SUCLG2: variants seen among roughly 807,000 people sequenced by gnomAD.
SUCLG2 encodes succinate-CoA ligase GDP-forming subunit beta.
In SUCLG2, 42 loss-of-function variants were observed where a neutral mutation model predicts 47.9. The observed-to-expected ratio is 0.88, with a 90% CI of 0.69 to 1.14. The LOEUF (loss-of-function observed/expected upper bound fraction) is 1.14. Ranked by LOEUF, SUCLG2 falls within the 50% of genes most tolerant of loss-of-function variation. SUCLG2 has a pLI of 0.00. For synonymous variants in SUCLG2, 195 were observed against 197.3 expected, an observed-to-expected ratio of 0.99 and a Z score of 0.10; for missense variants, 571 against 525.9, an observed-to-expected ratio of 1.09 and a Z score of -0.84.
intron 9 of SUCLG2, among the ~76,000 whole-genome samples, chr3:67,447,202 T>C (rs543119304): frequency 4.3e-4 from 65 of 152,340 alleles, no homozygotes; most frequent in African/African-American, 1.5e-3. Context: ...CTAGGATTTC[T>C]ACCTCATTTC....
chr3:67,615,620 A>AC (rs1491461268), intron 1 of SUCLG2, among the ~76,000 whole-genome samples: 7,009 of 139,936 alleles, frequency 0.05, 228 homozygotes, highest in East Asian at 0.12. Context: ...ACACAAACAC[A>AC]AACACACACA....
At chr3:67,513,859 T>C (rs1174539700) in intron 6 of SUCLG2, 1 of 152,362 alleles carries the variant, frequency 6.6e-6, no homozygotes, top group Non-Finnish European at 1.5e-5. Flanking sequence ...TTTATAAAAA[T>C]CTTTAAAAAT....
chr3:67,458,356 C>A (rs1704239805), intron 9 of SUCLG2, among the ~76,000 whole-genome samples: 1 of 152,180 alleles, frequency 6.6e-6, no homozygotes, highest in Non-Finnish European at 1.5e-5. Flanking sequence ...ATAATATCAT[C>A]CTTCTACAGA....
intron 1 of SUCLG2, among the ~76,000 whole-genome samples, chr3:67,633,884 T>A (rs1700966374): frequency 6.6e-6 from 1 of 152,108 alleles, no homozygotes; most frequent in African/African-American, 2.4e-5. Context: ...TTTTAATATT[T>A]TTAAAATATT....
intron 10 of SUCLG2, among the ~76,000 whole-genome samples, chr3:67,363,704 A>T (rs1278109916): frequency 6.6e-6 from 1 of 152,114 alleles, no homozygotes; most frequent in Non-Finnish European, 1.5e-5. Context: ...AGAAAGCATG[A>T]CTGTGGTTTT....
At chr3:67,574,733 T>A (rs1707699274) in intron 2 of SUCLG2, among the ~76,000 whole-genome samples, 1 of 152,214 alleles carries the variant, frequency 6.6e-6, no homozygotes, top group Non-Finnish European at 1.5e-5. Flanking sequence ...AAATTCAACT[T>A]ATAGACTTCA....
chr3:67,652,303 C>T (rs1233838226), intron 1 of SUCLG2, among the ~76,000 whole-genome samples: 1 of 152,092 alleles, frequency 6.6e-6, no homozygotes, highest in East Asian at 1.9e-4. Context: ...TAAGCAGAAA[C>T]TGGGTCTTTT....
chr3:67,478,557 T>C (rs1704827128), intron 9 of SUCLG2, among the ~76,000 whole-genome samples: 1 of 152,254 alleles, frequency 6.6e-6, no homozygotes, highest in African/African-American at 2.4e-5. Flanking sequence ...AATTCCTTGA[T>C]CCCTGGTTGT....
chr3:67,654,511 C>T lies in SUCLG2; in HGVS notation c.76G>A (p.Gly26Arg). ...CCTGCCCCCACGCTCACCTGGGACC[C>T]GGCCGCCAGGAAGCGGGGCCGCAGC... ...LALRPRFLAA[G>R]SQAVQLTSRR... The change falls in exon 1 of 11, where the codon GGG becomes AGG. Residue 26 changes from glycine (G) to arginine (R), a missense_variant. Physicochemically the swap from Gly to Arg is moderately radical, Grantham distance 125. Transcript: ENST00000307227. 3.2e-6 allele frequency: 4 copies of T among 1,242,314 alleles called. No homozygotes were observed. Among genetic ancestry groups the T allele is most frequent in the East Asian group, 6.2e-5 (2 of 32,194 alleles). 77.0% of individuals were successfully genotyped at this position (1,242,314 alleles called of 1,614,324 possible).
At chr3:67,467,570 TAGGA>T (rs1704504898) in intron 9 of SUCLG2, among the ~76,000 whole-genome samples, 1 of 152,232 alleles carries the variant, frequency 6.6e-6, no homozygotes, top group African/African-American at 2.4e-5. Context: ...AAGTATAGGA[TAGGA>T]TATCCTTTAA....
chr3:67,636,527 T>G (rs903571344), intron 1 of SUCLG2, among the ~76,000 whole-genome samples: 5 of 152,028 alleles, frequency 3.3e-5, no homozygotes, highest in Admixed American at 2.6e-4. Flanking sequence ...TAATTTTTTG[T>G]GTTTTTAGTA....
chr3:67,452,529 A>T (rs1239245688), intron 9 of SUCLG2, among the ~76,000 whole-genome samples: 1 of 152,218 alleles, frequency 6.6e-6, no homozygotes, highest in Non-Finnish European at 1.5e-5. Flanking sequence ...TTCTTTATTA[A>T]ACCCTTTCTA....
chr3:67,517,117 T>C (rs1705965212), intron 6 of SUCLG2, among the ~76,000 whole-genome samples: 1 of 152,216 alleles, frequency 6.6e-6, no homozygotes, highest in South Asian at 2.1e-4. Flanking sequence ...TGAGGTTTAG[T>C]TCCAGATGAC....
intron 2 of SUCLG2, among the ~76,000 whole-genome samples, chr3:67,593,156 A>G (rs767679032): frequency 1.3e-5 from 2 of 152,222 alleles, no homozygotes; most frequent in African/African-American, 4.8e-5. Context: ...TTACATGTCT[A>G]TAATATATAA....
chr3:67,497,279 T>A (rs1705372226), intron 8 of SUCLG2, among the ~76,000 whole-genome samples: 1 of 152,190 alleles, frequency 6.6e-6, no homozygotes, highest in Admixed American at 6.5e-5. Flanking sequence ...TTTAATGAGC[T>A]ACAAATCATT....
chr3:67,464,173 T>C (rs887812933), intron 9 of SUCLG2, among the ~76,000 whole-genome samples: 1 of 152,214 alleles, frequency 6.6e-6, no homozygotes, highest in Non-Finnish European at 1.5e-5. Context: ...CTGTCAAGCA[T>C]CAATCTCAGA....
At chr3:67,622,060 G>C (rs1168511469) in intron 1 of SUCLG2, among the ~76,000 whole-genome samples, 13 of 152,034 alleles carry the variant, frequency 8.6e-5, no homozygotes, top group Non-Finnish European at 2.9e-5. Context: ...TTCTCTCCTA[G>C]GAGAGAACAC....
rs200147535 is a variant in SUCLG2 at position 67,394,468 on chromosome 3, G to C, written c.1183+6263C>G. Among the ~76,000 whole-genome samples, 48 of 148,518 alleles carry C rather than the reference G, an allele frequency of 3.2e-4. 2 individuals are homozygous for C. In the East Asian group the frequency reaches 4.2e-3, roughly 13 times the overall value. ...GAAATGAAGCGAGAAGGGAAGTTTAGAGAAAAAAGAATAAAAAGAAATGAA... is the reference window on the plus strand; with the variant it reads ...GAAATGAAGCGAGAAGGGAAGTTTACAGAAAAAAGAATAAAAAGAAATGAA... On this transcript the variant is annotated intron_variant, in intron 10 of 10. Coordinates refer to ENST00000307227, the MANE Select transcript of SUCLG2 (RefSeq NM_003848.4).
intron 9 of SUCLG2, among the ~76,000 whole-genome samples, chr3:67,425,935 CA>C (rs1475222692): frequency 6.6e-6 from 1 of 152,102 alleles, no homozygotes; most frequent in Non-Finnish European, 1.5e-5. Context: ...ACTATAAGCT[CA>C]AAAGGATTTT....
Sources: allele counts gnomAD v4.1 joint callset (sites outside exome capture counted in the v4.1 genomes callset), GRCh38; gene constraint gnomAD v4.1.1; transcripts MANE v1.5; gene names NCBI Gene and HGNC (gene_info 2026-07-23, HGNC 2026-07-21).